The following AGPS variants were observed in gnomAD, a reference collection of about 807,000 sequenced individuals.
The protein encoded by AGPS is alkylglycerone phosphate synthase.
In AGPS, 26 loss-of-function variants were observed where a neutral mutation model predicts 90.7. The ratio of observed to expected loss-of-function variants is 0.29; its 90% CI spans 0.21 to 0.40. The LOEUF is 0.40. Ranked by LOEUF, AGPS falls within the 10% of genes least tolerant of loss-of-function variation. AGPS has a pLI of 1.00. For missense variants in AGPS, 540 were observed against 816.1 expected, an observed-to-expected ratio of 0.66 and a Z score of 4.12; for synonymous variants, 294 against 285.3, an observed-to-expected ratio of 1.03 and a Z score of -0.31.
chr2:177,480,229 A>G (rs1386499524), intron 10 of AGPS, among the ~76,000 whole-genome samples: 2 of 152,196 alleles, frequency 1.3e-5, no homozygotes, highest in African/African-American at 4.8e-5. Flanking sequence ...ATTACTGGGT[A>G]TATACCCAAA....
At chr2:177,416,012 A>G (rs1202144855) in intron 1 of AGPS, among the ~76,000 whole-genome samples, 1 of 152,166 alleles carries the variant, frequency 6.6e-6, no homozygotes, top group Non-Finnish European at 1.5e-5. Context: ...ACAGTTGTTA[A>G]CCCAGAATGA....
At chr2:177,526,863 C>G (rs1045289652) in intron 19 of AGPS, among the ~76,000 whole-genome samples, 2 of 152,190 alleles carry the variant, frequency 1.3e-5, no homozygotes, top group African/African-American at 2.4e-5. Flanking sequence ...CCTAGGTGTT[C>G]TGCATACTTA....
At chr2:177,454,987 T>C (rs867274641) in intron 8 of AGPS, among the ~76,000 whole-genome samples, 11 of 150,708 alleles carry the variant, frequency 7.3e-5, no homozygotes, top group South Asian at 4.3e-4. Context: ...ATGAAAATTA[T>C]GCATAGACCT....
chr2:177,456,786 G>C (rs1687129680), intron 8 of AGPS, among the ~76,000 whole-genome samples: 2 of 152,112 alleles, frequency 1.3e-5, no homozygotes, highest in Admixed American at 6.5e-5. Flanking sequence ...AGATCAACGA[G>C]ACAGAAAATT....
At chr2:177,429,282 A>G (rs1486504030) in intron 2 of AGPS, among the ~76,000 whole-genome samples, 1 of 152,048 alleles carries the variant, frequency 6.6e-6, no homozygotes, top group African/African-American at 2.4e-5. Flanking sequence ...GAAGTTCGTT[A>G]TTACCCACCA....
chr2:177,393,221 C>G (rs1376220848), intron 1 of AGPS, 172 bp downstream of exon 1: 2 of 985,188 alleles, frequency 2.0e-6, no homozygotes, highest in African/African-American at 3.5e-5. Flanking sequence ...ACCCTGGATT[C>G]TGTCAGGAAG....
At chr2:177,506,071 A>G (rs1024566002) in intron 15 of AGPS, among the ~76,000 whole-genome samples, 3 of 151,900 alleles carry the variant, frequency 2.0e-5, no homozygotes, top group African/African-American at 7.2e-5. Flanking sequence ...TACTTACGAT[A>G]TACTGAAATA....
chr2:177,509,764 A>C (rs1222260157), intron 16 of AGPS, among the ~76,000 whole-genome samples: 1 of 152,206 alleles, frequency 6.6e-6, no homozygotes, highest in Non-Finnish European at 1.5e-5. Context: ...ACTAAAAATA[A>C]ATGCTTAACA....
chr2:177,505,258 A>G (rs1688675802), intron 14 of AGPS, among the ~76,000 whole-genome samples: 1 of 151,940 alleles, frequency 6.6e-6, no homozygotes, highest in South Asian at 2.1e-4. Context: ...TGTGAAGATT[A>G]TTTCAGCTTA....
intron 8 of AGPS, among the ~76,000 whole-genome samples, chr2:177,447,274 A>AT (rs1305631822): frequency 6.6e-6 from 1 of 152,046 alleles, no homozygotes; most frequent in Non-Finnish European, 1.5e-5. Context: ...TAAACTATTT[A>AT]TTTTTTATTT....
At chr2:177,487,728 G>A (rs1202824299) in intron 11 of AGPS, among the ~76,000 whole-genome samples, 1 of 152,072 alleles carries the variant, frequency 6.6e-6, no homozygotes, top group Non-Finnish European at 1.5e-5. Flanking sequence ...GAAGCAGAGA[G>A]AATAACCCTA....
chr2:177,479,889 T>G (rs112771016), intron 10 of AGPS, among the ~76,000 whole-genome samples: 1 of 152,192 alleles, frequency 6.6e-6, no homozygotes, highest in African/African-American at 2.4e-5. Context: ...CGCAAAACAT[T>G]GTATTTTGGG....
At chr2:177,402,767 C>A (rs118042787) in intron 1 of AGPS, among the ~76,000 whole-genome samples, 1 of 152,302 alleles carries the variant, frequency 6.6e-6, no homozygotes, top group East Asian at 1.9e-4. Context: ...TTTGAAACTT[C>A]GTCTACTGGC....
intron 8 of AGPS, among the ~76,000 whole-genome samples, chr2:177,453,722 G>GAA (rs1350940653): frequency 1.9e-5 from 2 of 107,492 alleles, no homozygotes; most frequent in Non-Finnish European, 1.8e-5. Flanking sequence ...TGGAGACAGA[G>GAA]TCTTACTCTG....
intron 17 of AGPS, among the ~76,000 whole-genome samples, chr2:177,517,154 A>T (rs997058112): frequency 2.6e-5 from 4 of 152,098 alleles, no homozygotes; most frequent in Non-Finnish European, 5.9e-5. Flanking sequence ...TGTAAATTGC[A>T]TATGGAGATT....
chr2:177,502,733 T>C (rs1688597909), intron 14 of AGPS, among the ~76,000 whole-genome samples: 1 of 152,154 alleles, frequency 6.6e-6, no homozygotes, highest in Admixed American at 6.6e-5. Context: ...GCCTGGCCTA[T>C]TTTAAGTTTT....
chr2:177,401,518 T>A (rs1174758647), intron 1 of AGPS, among the ~76,000 whole-genome samples: 1 of 152,170 alleles, frequency 6.6e-6, no homozygotes, highest in Admixed American at 6.5e-5. Context: ...TGGTAAAGCT[T>A]AAATTTGAAT....
chr2:177,447,785 T>G (rs1053233630), intron 8 of AGPS, among the ~76,000 whole-genome samples: 9 of 152,120 alleles, frequency 5.9e-5, no homozygotes, highest in Non-Finnish European at 1.3e-4. Context: ...GCTATTTTGA[T>G]CCCAGTAAAA....
At chr2:177,492,759 G>A (rs1417462441) in intron 11 of AGPS, among the ~76,000 whole-genome samples, 1 of 152,212 alleles carries the variant, frequency 6.6e-6, no homozygotes, top group Middle Eastern at 3.4e-3. Context: ...TTCATAAAAT[G>A]GCATAATACT....
Sources: gnomAD v4.1 joint callset for allele counts (sites outside exome capture counted in the v4.1 genomes callset) on GRCh38, gnomAD v4.1.1 for gene constraint, MANE v1.5 for transcripts, NCBI Gene and HGNC (gene_info 2026-07-23, HGNC 2026-07-21) for gene names.